XRRA1: variants seen among roughly 807,000 people sequenced by gnomAD.
XRRA1 encodes the protein X-ray radiation resistance-associated protein 1.
Under a neutral mutation model 80.2 loss-of-function variants are expected in XRRA1, and 69 were observed. That is an observed-to-expected ratio of 0.86 (90% CI 0.71 to 1.05). The LOEUF (loss-of-function observed/expected upper bound fraction) is 1.05. Ranked by LOEUF, XRRA1 falls within the 50% of genes least tolerant of loss-of-function variation. The pLI is 0.00. For synonymous variants in XRRA1, 348 were observed against 389.9 expected (o/e 0.89, Z 1.27); for missense variants, 967 against 976.4 (o/e 0.99, Z 0.13).
chr11:74,903,202 A>G (rs1226915617), intron 10 of XRRA1, among the ~76,000 whole-genome samples: 6 of 152,260 alleles, frequency 3.9e-5, no homozygotes, highest in African/African-American at 1.4e-4. Context: ...ATATACATAT[A>G]CTCTGTCATC....
chr11:74,896,692 C>T (rs1415360805), intron 10 of XRRA1, among the ~76,000 whole-genome samples: 1 of 152,130 alleles, frequency 6.6e-6, no homozygotes, highest in Non-Finnish European at 1.5e-5. Context: ...GGGGTGCTTG[C>T]ATCACCGCAC....
At chr11:74,905,359 A>G (rs1456457849) in intron 10 of XRRA1, among the ~76,000 whole-genome samples, 2 of 152,122 alleles carry the variant, frequency 1.3e-5, no homozygotes, top group East Asian at 1.9e-4. Flanking sequence ...CCGGCCAGTT[A>G]TTAGTATTAT....
chr11:74,910,463 T>C (rs1453313031), intron 8 of XRRA1, among the ~76,000 whole-genome samples: 2 of 151,980 alleles, frequency 1.3e-5, no homozygotes, highest in Non-Finnish European at 2.9e-5. Flanking sequence ...AGTCTACGTA[T>C]AGAATGGGTC....
intron 10 of XRRA1, among the ~76,000 whole-genome samples, chr11:74,867,848 A>G (rs1216004891): frequency 6.6e-6 from 1 of 151,550 alleles, no homozygotes; most frequent in Non-Finnish European, 1.5e-5. Context: ...CTACAAAAAA[A>G]AACCCATCAA....
intron 5 of XRRA1, 171 bp downstream of exon 5, chr11:74,933,630 G>C: frequency 1.7e-6 from 1 of 585,636 alleles, no homozygotes; most frequent in Admixed American, 3.0e-5. Context: ...GTTTGTGTCT[G>C]AATATTGTTT....
intron 11 of XRRA1, among the ~76,000 whole-genome samples, chr11:74,861,506 A>C (rs888192711): frequency 5.3e-5 from 8 of 152,222 alleles, no homozygotes; most frequent in Admixed American, 6.5e-5. Context: ...CATCACCCCA[A>C]GATGGGACCA....
intron 8 of XRRA1, chr11:74,919,988 A>C: frequency 5.4e-6 from 1 of 186,156 alleles, no homozygotes; most frequent in Non-Finnish European, 1.1e-5. Flanking sequence ...AACTATATCA[A>C]ACAAAGTTAT....
chr11:74,933,085 T>C (rs1158144315), intron 5 of XRRA1, among the ~76,000 whole-genome samples: 1 of 152,174 alleles, frequency 6.6e-6, no homozygotes, highest in Non-Finnish European at 1.5e-5. Context: ...TCACAGCACC[T>C]GTAAGTTAGG....
At chr11:74,907,592 C>A (rs1381107287) in intron 8 of XRRA1, among the ~76,000 whole-genome samples, 1 of 152,118 alleles carries the variant, frequency 6.6e-6, no homozygotes, top group African/African-American at 2.4e-5. Context: ...GAGGCATGAC[C>A]AAGCTGGAGG....
At chr11:74,849,516 C>T (rs2135494482) in intron 14 of XRRA1, among the ~76,000 whole-genome samples, 1 of 152,308 alleles carries the variant, frequency 6.6e-6, no homozygotes, top group African/African-American at 2.4e-5. Context: ...AGGGCACGGA[C>T]ACAGCACCGC....
intron 12 of XRRA1, among the ~76,000 whole-genome samples, chr11:74,857,711 G>T (rs1387064187): frequency 6.6e-6 from 1 of 152,090 alleles, no homozygotes; most frequent in Non-Finnish European, 1.5e-5. Context: ...TGACCATAGG[G>T]TGAATCATAA....
At chr11:74,865,633 A>T (rs973255354) in intron 10 of XRRA1, among the ~76,000 whole-genome samples, 8 of 152,312 alleles carry the variant, frequency 5.3e-5, no homozygotes, top group African/African-American at 1.9e-4. Flanking sequence ...GCTAGGTGAC[A>T]TACACCTGTC....
At chr11:74,923,586 T>C (rs1941469477) in intron 7 of XRRA1, among the ~76,000 whole-genome samples, 1 of 152,204 alleles carries the variant, frequency 6.6e-6, no homozygotes, top group Non-Finnish European at 1.5e-5. Context: ...GAATGGTTTT[T>C]CTAAAATGCA....
chr11:74,872,893 C>A (rs538317750), intron 10 of XRRA1, among the ~76,000 whole-genome samples: 1 of 152,314 alleles, frequency 6.6e-6, no homozygotes, highest in East Asian at 1.9e-4. Flanking sequence ...ATGGGCATCT[C>A]AGGTAAAGTT....
chr11:74,866,712 A>C (rs925608238), intron 10 of XRRA1, among the ~76,000 whole-genome samples: 2 of 152,134 alleles, frequency 1.3e-5, no homozygotes, highest in Non-Finnish European at 2.9e-5. Flanking sequence ...AATGAAATGA[A>C]AAAGTCAACA....
At position 74,949,071 on chromosome 11, in the gene XRRA1, T is replaced by A. The variant is rs1013077626; in HGVS notation, c.-216A>T. The A allele has an allele frequency of 2.3e-5, 11 of 470,332 alleles. No individual in the cohort carries two copies. In the South Asian group the frequency reaches 2.9e-4, roughly 12 times the overall value. 29.1% of individuals were successfully genotyped at this position (470,332 alleles called of 1,614,324 possible). A position where few individuals can be genotyped will look rare whatever the true frequency, so the allele number is the denominator to read the frequency against. On this transcript the variant is annotated 5_prime_UTR_variant, in exon 1 of 19. Transcript: ENST00000684022. ...GCTATCTTCCCCACGCCTTAGTAAC[T>A]GCGACGCGACGGCAGACAGTGTAGG... is the stretch of plus-strand genomic sequence containing the variant.
At chr11:74,845,329 A>G in intron 15 of XRRA1, 58 bp from the exon 16 acceptor site, 1 of 1,523,494 alleles carries the variant, frequency 6.6e-7, no homozygotes, top group Non-Finnish European at 8.9e-7. Context: ...CATTCCATGA[A>G]CATTCGGAGT....
intron 7 of XRRA1, among the ~76,000 whole-genome samples, chr11:74,923,092 G>A (rs571042260): frequency 6.6e-6 from 1 of 152,208 alleles, no homozygotes; most frequent in South Asian, 2.1e-4. Context: ...GGTCTACCAG[G>A]GGATCAGGAC....
chr11:74,845,878 T>C (rs1565212934), intron 15 of XRRA1: 3 of 152,910 alleles, frequency 2.0e-5, no homozygotes, highest in Admixed American at 1.9e-4. Context: ...CTGTATGTCA[T>C]GTAGGGATGT....
Sources: gnomAD v4.1 joint callset for allele counts (sites outside exome capture counted in the v4.1 genomes callset) on GRCh38, gnomAD v4.1.1 for gene constraint, MANE v1.5 for transcripts, NCBI Gene and HGNC (gene_info 2026-07-23, HGNC 2026-07-21) for gene names.